Variants in MRPL3 observed in about 807,000 individuals in gnomAD.
MRPL3 encodes the protein large ribosomal subunit protein uL3m.
MRPL3 carries 43 observed loss-of-function variants against 44.3 expected under a neutral mutation model. The observed-to-expected ratio is 0.97, with a 90% CI of 0.76 to 1.25. The LOEUF (loss-of-function observed/expected upper bound fraction) is 1.25. Among genes scored for constraint, MRPL3 ranks in the 50% most tolerant of loss-of-function variants. The pLI is 0.00. For missense variants in MRPL3, 406 were observed against 427.6 expected, an observed-to-expected ratio of 0.95 and a Z score of 0.45; for synonymous variants, 171 against 152.3, an observed-to-expected ratio of 1.12 and a Z score of -0.91.
chr3:131,469,552 A>G (rs1559813590), intron 8 of MRPL3, 144 bp downstream of exon 8: 1 of 577,548 alleles, frequency 1.7e-6, no homozygotes, highest in Non-Finnish European at 3.0e-6. Context: ...ACACACACAC[A>G]CACACAATTC....
At chr3:131,481,696 C>A (rs1933992104) in intron 6 of MRPL3, among the ~76,000 whole-genome samples, 1 of 152,172 alleles carries the variant, frequency 6.6e-6, no homozygotes, top group Non-Finnish European at 1.5e-5. Context: ...ATAACCCCAA[C>A]ACACTGCTCT....
chr3:131,467,438 AT>A (rs1298312438), intron 9 of MRPL3, among the ~76,000 whole-genome samples: 1 of 151,954 alleles, frequency 6.6e-6, no homozygotes, highest in Non-Finnish European at 1.5e-5. Context: ...TATGGTTTGG[AT>A]TTTTGTCCCC....
intron 6 of MRPL3, among the ~76,000 whole-genome samples, chr3:131,474,717 C>T (rs1933816338): frequency 1.3e-5 from 2 of 149,964 alleles, no homozygotes; most frequent in African/African-American, 4.9e-5. Context: ...GTATAAATGA[C>T]ACAATAAAAA....
intron 6 of MRPL3, among the ~76,000 whole-genome samples, chr3:131,474,102 G>A (rs1426235532): frequency 1.3e-5 from 2 of 152,170 alleles, no homozygotes; most frequent in Non-Finnish European, 2.9e-5. Context: ...GAGATATCTT[G>A]TATTTATTGA....
intron 3 of MRPL3, among the ~76,000 whole-genome samples, chr3:131,499,755 C>T (rs928312018): frequency 1.3e-5 from 2 of 148,464 alleles, no homozygotes; most frequent in African/African-American, 2.6e-5. Flanking sequence ...ATAATAATAA[C>T]AACAATGATA....
chr3:131,470,522 A>T (rs570632247), intron 7 of MRPL3, among the ~76,000 whole-genome samples: 1 of 152,236 alleles, frequency 6.6e-6, no homozygotes, highest in East Asian at 1.9e-4. Context: ...GGCTTAAAAG[A>T]CAATTCTGAG....
Position 131,462,817 on chromosome 3 carries a change from G to C in MRPL3, c.953C>G (p.Thr318Arg), listed in dbSNP as rs779438112. The C allele has an allele frequency of 1.2e-5, 19 of 1,612,654 alleles. No homozygotes were observed. The highest frequency in any genetic ancestry group is 1.6e-5 in the Non-Finnish European group (19 of 1,179,122). Residue 318 changes from threonine to arginine, a missense_variant, in exon 10 of 10, where the codon ACA becomes AGA. Physicochemically the swap from Thr to Arg is moderately conservative, Grantham distance 71. Coordinates refer to ENST00000264995, the MANE Select transcript of MRPL3 (RefSeq NM_007208.4). Reference protein sequence around the residue: ...KDLGKNLPFPTYFPDGDEEEL... With the variant: ...KDLGKNLPFPRYFPDGDEEEL... The stretch of plus-strand genomic sequence containing the variant: ...CTCTTCATCTCCATCAGGAAAATAT[G>C]TAGGGAATGGTAGATTTTTACCGAG...
At chr3:131,488,257 TAAAC>T (rs999782484) in intron 5 of MRPL3, among the ~76,000 whole-genome samples, 2 of 152,152 alleles carry the variant, frequency 1.3e-5, no homozygotes, top group African/African-American at 4.8e-5. Flanking sequence ...ATTGTACCAA[TAAAC>T]TATAGTTCTC....
chr3:131,483,421 T>A (rs1934040437), intron 6 of MRPL3, among the ~76,000 whole-genome samples: 1 of 152,166 alleles, frequency 6.6e-6, no homozygotes, highest in Admixed American at 6.5e-5. Context: ...GATGTAAAAA[T>A]CTTCCCCATA....
At chr3:131,485,740 G>A (rs1051090673) in intron 6 of MRPL3, among the ~76,000 whole-genome samples, 7 of 152,036 alleles carry the variant, frequency 4.6e-5, no homozygotes, top group Non-Finnish European at 1.0e-4. Context: ...TCTAAATAGC[G>A]AAATGAAGGT....
chr3:131,495,873 A>G (rs1934360954), intron 4 of MRPL3, among the ~76,000 whole-genome samples: 1 of 152,204 alleles, frequency 6.6e-6, no homozygotes, highest in African/African-American at 2.4e-5. Context: ...AAGATAATTC[A>G]GAGACCATCA....
chr3:131,478,139 G>A (rs1434887811), intron 6 of MRPL3, among the ~76,000 whole-genome samples: 2 of 152,148 alleles, frequency 1.3e-5, no homozygotes, highest in African/African-American at 4.8e-5. Flanking sequence ...AGAACATAAT[G>A]TCTGCAAACC....
intron 5 of MRPL3, among the ~76,000 whole-genome samples, chr3:131,489,275 A>C (rs938706218): frequency 3.3e-5 from 5 of 152,064 alleles, no homozygotes; most frequent in African/African-American, 1.2e-4. Flanking sequence ...CAAAATCTTA[A>C]CTTCAAAGAA....
intron 6 of MRPL3, among the ~76,000 whole-genome samples, chr3:131,486,383 A>C (rs1310810931): frequency 3.3e-5 from 5 of 149,558 alleles, no homozygotes; most frequent in Non-Finnish European, 5.9e-5. Flanking sequence ...AAAAAAAAAA[A>C]AAAAAAAACC....
At chr3:131,495,986 C>T (rs565156289) in intron 4 of MRPL3, among the ~76,000 whole-genome samples, 11 of 152,228 alleles carry the variant, frequency 7.2e-5, no homozygotes, top group South Asian at 2.1e-4. Context: ...TTTTCTGATC[C>T]CACATCACTT....
chr3:131,467,240 GCACACACACACA>G (rs10522470), intron 9 of MRPL3, among the ~76,000 whole-genome samples: 47,250 of 150,890 alleles, frequency 0.31, 9,170 homozygotes, highest in Non-Finnish European at 0.44. Context: ...CCATACGCGC[GCACACACACACA>G]CATACACACA....
In MRPL3 at chr3:131,490,001, T is replaced by C. The variant is rs1934217888; in HGVS notation, c.548A>G (p.Asp183Gly). ...KQTVKIFNIT[D>G]NAAIKPGTPL... ...ATTACCTGGTTTAATTGCAGCATTA[T>C]CTGTTATATTAAAGATTTTAACTGT... The change falls in exon 5 of 10, where the codon GAT (aspartate) becomes GGT (glycine). Residue 183 changes from aspartate (D) to glycine (G), a missense_variant. Asp to Gly is a moderately conservative substitution (Grantham distance 94). Transcript: ENST00000264995. The C allele has an allele frequency of 6.2e-7, 1 of 1,608,654 alleles. No homozygotes were observed. Among genetic ancestry groups the C allele is most frequent in the Non-Finnish European group, 8.5e-7 (1 of 1,175,700 alleles).
chr3:131,475,974 T>C (rs1933844456), intron 6 of MRPL3, among the ~76,000 whole-genome samples: 3 of 152,208 alleles, frequency 2.0e-5, no homozygotes, highest in African/African-American at 4.8e-5. Flanking sequence ...CTGGCCATTC[T>C]TGGTAGAAAG....
intron 1 of MRPL3, 99 bp downstream of exon 1, chr3:131,502,631 G>T: frequency 1.1e-6 from 1 of 932,182 alleles, no homozygotes; most frequent in Non-Finnish European, 1.6e-6. Context: ...TCTCAACAGA[G>T]CCCCTTCCTC....
Sources: gnomAD v4.1 joint callset for allele counts (sites outside exome capture counted in the v4.1 genomes callset) on GRCh38, gnomAD v4.1.1 for gene constraint, MANE v1.5 for transcripts, NCBI Gene and HGNC (gene_info 2026-07-23, HGNC 2026-07-21) for gene names.